AGBL1: variants seen among roughly 807,000 people sequenced by gnomAD.
AGBL1 encodes cytosolic carboxypeptidase 4.
A neutral mutation model predicts 118.9 loss-of-function variants in AGBL1; 130 were observed. That is an observed-to-expected ratio of 1.09 (90% CI 0.95 to 1.26). The LOEUF is 1.26. Among genes scored for constraint, AGBL1 ranks in the 50% most tolerant of loss-of-function variants. The pLI, the probability that AGBL1 is intolerant of heterozygous loss-of-function variation, is 0.00. For missense variants in AGBL1, 1,584 were observed against 1,298.1 expected, an observed-to-expected ratio of 1.22 and a Z score of -3.38; for synonymous variants, 555 against 478.9, an observed-to-expected ratio of 1.16 and a Z score of -2.08.
At chr15:86,215,122 G>C (rs2078163360) in intron 5 of AGBL1, among the ~76,000 whole-genome samples, 1 of 151,830 alleles carries the variant, frequency 6.6e-6, no homozygotes, top group Non-Finnish European at 1.5e-5. Context: ...TTCTGTTTCT[G>C]TTTTCTCCTC....
At chr15:86,719,574 G>T (rs2167659) in intron 22 of AGBL1, among the ~76,000 whole-genome samples, 4 of 151,784 alleles carry the variant, frequency 2.6e-5, no homozygotes, top group African/African-American at 9.7e-5. Context: ...AGATCACTAG[G>T]GGTCATTCAT....
chr15:86,487,633 G>T (rs1313808969), intron 18 of AGBL1, among the ~76,000 whole-genome samples: 4 of 151,986 alleles, frequency 2.6e-5, no homozygotes, highest in Middle Eastern at 3.4e-3. Flanking sequence ...TGGCAAGGAG[G>T]CCGAGACCAG....
At chr15:86,167,299 G>A (rs944864388) in intron 5 of AGBL1, among the ~76,000 whole-genome samples, 5 of 150,944 alleles carry the variant, frequency 3.3e-5, no homozygotes, top group Admixed American at 1.3e-4. Context: ...AGGCTGGAGT[G>A]CAGTGGCCTG....
Position 86,999,468 on chromosome 15 carries a change from G to T in AGBL1, c.3323+11380G>T, listed in dbSNP as rs896773964. Among the ~76,000 whole-genome samples the T allele has an allele frequency of 7.5e-5, 11 of 146,720 alleles. 1 individual carries two copies. The highest frequency in any genetic ancestry group is 3.6e-3 in the Middle Eastern group (1 of 280). ...TTCCCACCTATGAGTGAGAATATGC[G>T]GTGTTTGGTTTTTTGTTCTTGTGAT... On this transcript the variant is annotated intron_variant, in intron 24 of 24. Coordinates refer to the AGBL1 transcript ENST00000441037.
intron 21 of AGBL1, among the ~76,000 whole-genome samples, chr15:86,565,815 C>A (rs1479887539): frequency 6.6e-6 from 1 of 152,216 alleles, no homozygotes; most frequent in Middle Eastern, 3.2e-3. Context: ...TTTACCTACT[C>A]AAGCCTCAGC....
intron 21 of AGBL1, among the ~76,000 whole-genome samples, chr15:86,612,693 G>T (rs1248206392): frequency 1.3e-5 from 2 of 152,154 alleles, no homozygotes. Flanking sequence ...GCTGTCTCTT[G>T]TGGGGAAAAT....
chr15:86,323,753 C>T (rs2058081193), intron 17 of AGBL1, among the ~76,000 whole-genome samples: 1 of 152,184 alleles, frequency 6.6e-6, no homozygotes, highest in South Asian at 2.1e-4. Flanking sequence ...TCAACACTGT[C>T]AGTGTGACTT....
rs113559424 is a variant in AGBL1, at chr15:86,696,735, C to G, written c.3158+22299C>G. ...AAAGAGGTTCTATTTTGATGTGTTT[C>G]CAGGATTTGTTAAGAGATTTGGAGC... On this transcript the variant is annotated intron_variant, in intron 22 of 22. Transcript: ENST00000614907. Among the ~76,000 whole-genome samples, 872 of 151,656 alleles carry G rather than the reference C, an allele frequency of 5.7e-3. 5 individuals carry two copies. Among genetic ancestry groups the G allele is most frequent in the African/African-American group, 0.02 (811 of 41,382 alleles).
At chr15:86,635,292 TCCCCCTCC>T (rs2085060335) in intron 21 of AGBL1, among the ~76,000 whole-genome samples, 2 of 21,074 alleles carry the variant, frequency 9.5e-5, no homozygotes, top group Admixed American at 7.1e-4. Flanking sequence ...CCCCTCCCCC[TCCCCCTCC>T]CCTCCTCCTC....
intron 22 of AGBL1, among the ~76,000 whole-genome samples, chr15:86,764,753 A>G (rs1002248698): frequency 2.6e-5 from 4 of 152,082 alleles, no homozygotes; most frequent in African/African-American, 9.7e-5. Flanking sequence ...AACATGTCCA[A>G]CTTATTTTAT....
At chr15:86,247,593 G>A in intron 6 of AGBL1, 78 bp from the exon 7 acceptor site, 2 of 1,370,430 alleles carry the variant, frequency 1.5e-6, no homozygotes, top group South Asian at 1.2e-5. Flanking sequence ...TATCTTGTGG[G>A]AAATACACTG....
At chr15:86,973,939 T>C (rs550711740) in intron 23 of AGBL1, among the ~76,000 whole-genome samples, 30 of 143,238 alleles carry the variant, frequency 2.1e-4, no homozygotes, top group Non-Finnish European at 3.8e-4. Flanking sequence ...AATATAAACA[T>C]ATTTAATATA....
intron 21 of AGBL1, among the ~76,000 whole-genome samples, chr15:86,582,868 G>C (rs1222136149): frequency 6.1e-5 from 9 of 147,970 alleles, no homozygotes. Flanking sequence ...TTGTGGGGTT[G>C]GGGGAGGGGG....
At chr15:86,922,878 G>A (rs191863163) in intron 23 of AGBL1, among the ~76,000 whole-genome samples, 1 of 152,306 alleles carries the variant, frequency 6.6e-6, no homozygotes, top group Admixed American at 6.5e-5. Flanking sequence ...TAGATAACGG[G>A]ACTGGTTTAG....
At chr15:86,886,499 C>G (rs2079972962) in intron 22 of AGBL1, among the ~76,000 whole-genome samples, 1 of 152,026 alleles carries the variant, frequency 6.6e-6, no homozygotes, top group African/African-American at 2.4e-5. Context: ...AATTATTCTG[C>G]CTTTCTTTAA....
At chr15:86,246,141 C>T (rs2078717064) in intron 6 of AGBL1, among the ~76,000 whole-genome samples, 1 of 152,268 alleles carries the variant, frequency 6.6e-6, no homozygotes, top group African/African-American at 2.4e-5. Context: ...TGCCTCAGGC[C>T]CCCACAGTGC....
intron 18 of AGBL1, among the ~76,000 whole-genome samples, chr15:86,421,046 A>G (rs1378616713): frequency 6.6e-6 from 1 of 152,240 alleles, no homozygotes; most frequent in East Asian, 1.9e-4. Flanking sequence ...TCAGGATATT[A>G]TCCGGGAAAA....
At chr15:86,464,055 G>T (rs558760104) in intron 18 of AGBL1, among the ~76,000 whole-genome samples, 2 of 152,196 alleles carry the variant, frequency 1.3e-5, no homozygotes, top group East Asian at 3.9e-4. Context: ...TCACAATATT[G>T]GTTCTTTCTA....
chr15:86,864,490 T>C (rs1303318479), intron 22 of AGBL1, among the ~76,000 whole-genome samples: 2 of 152,210 alleles, frequency 1.3e-5, no homozygotes, highest in African/African-American at 2.4e-5. Context: ...AAAATGGATA[T>C]GCAGAGTTGA....
Sources: gnomAD v4.1 joint callset for allele counts (sites outside exome capture counted in the v4.1 genomes callset) on GRCh38, gnomAD v4.1.1 for gene constraint, MANE v1.5 for transcripts, NCBI Gene and HGNC (gene_info 2026-07-23, HGNC 2026-07-21) for gene names.